DIAPH3: variants seen among roughly 807,000 people sequenced by gnomAD.
The protein encoded by DIAPH3 is protein diaphanous homolog 3.
Under a neutral mutation model 144.3 loss-of-function variants are expected in DIAPH3, and 117 were observed. The ratio of observed to expected loss-of-function variants is 0.81; its 90% CI spans 0.70 to 0.95. DIAPH3 has a LOEUF of 0.95. Among genes scored for constraint, DIAPH3 ranks in the 40% least tolerant of loss-of-function variants. The pLI is 0.00. For synonymous variants in DIAPH3, 519 were observed against 488.9 expected (o/e 1.06, Z -0.81); for missense variants, 1,421 against 1,412.7 (o/e 1.01, Z -0.09).
chr13:59,707,651 G>A (rs187813363), intron 27 of DIAPH3, among the ~76,000 whole-genome samples: 19 of 151,966 alleles, frequency 1.3e-4, no homozygotes, highest in Admixed American at 3.3e-4. Flanking sequence ...TGTACGATTC[G>A]AAAAAAGCTT....
intron 5 of DIAPH3, among the ~76,000 whole-genome samples, chr13:60,017,017 A>G (rs973983297): frequency 2.0e-5 from 3 of 152,236 alleles, no homozygotes; most frequent in African/African-American, 7.2e-5. Context: ...AAGGAAAGAA[A>G]AGATATATGT....
At chr13:60,031,732 CTTTTTTTTT>C (rs1165739891) in intron 5 of DIAPH3, among the ~76,000 whole-genome samples, 11 of 64,668 alleles carry the variant, frequency 1.7e-4, no homozygotes, top group Non-Finnish European at 2.1e-4. Flanking sequence ...GTCATTAAAT[CTTTTTTTTT>C]TTTTTTTTTT....
At position 59,666,825 on chromosome 13, in the gene DIAPH3, G is replaced by A; in HGVS notation, c.3341C>T (p.Thr1114Ile). The A allele has an allele frequency of 6.2e-7, 1 of 1,613,992 alleles. No homozygotes were observed. Among genetic ancestry groups the A allele is most frequent in the Non-Finnish European group, 8.5e-7 (1 of 1,179,986 alleles). ...ATTGTAGTGTGAACGTGACCCTTCT[G>A]TCAACTGCACTTTCTGATTTTCTAC... ...CNHENQKVQL[T>I]EGSRSHYNIN... The change falls in exon 28 of 28, where the codon ACA (threonine) becomes ATA (isoleucine). Residue 1114 changes from threonine (T) to isoleucine (I), a missense_variant. By Grantham distance (89) the Thr-to-Ile change is moderately conservative. Transcript: ENST00000400324.
intron 5 of DIAPH3, among the ~76,000 whole-genome samples, chr13:60,038,108 G>A (rs2055363479): frequency 6.6e-6 from 1 of 152,034 alleles, no homozygotes; most frequent in Admixed American, 6.5e-5. Context: ...GGTTACCACA[G>A]AATAGTAGGG....
chr13:59,774,648 C>A, intron 26 of DIAPH3, 80 bp downstream of exon 26: 1 of 1,396,544 alleles, frequency 7.2e-7, no homozygotes, highest in Non-Finnish European at 1.0e-6. Flanking sequence ...TGACACACAA[C>A]TTCAAAAGAA....
At chr13:60,109,632 A>G (rs2058513305) in intron 3 of DIAPH3, among the ~76,000 whole-genome samples, 5 of 152,182 alleles carry the variant, frequency 3.3e-5, no homozygotes, top group Admixed American at 3.3e-4. Flanking sequence ...ATTATCTGAA[A>G]CCAACAGGAA....
intron 17 of DIAPH3, among the ~76,000 whole-genome samples, chr13:59,928,680 G>T (rs1806419074): frequency 6.6e-6 from 1 of 152,144 alleles, no homozygotes; most frequent in Admixed American, 6.5e-5. Context: ...AGTGGCTTAG[G>T]CTGCAGTTGT....
At chr13:60,058,782 C>A (rs2056653346) in intron 4 of DIAPH3, among the ~76,000 whole-genome samples, 1 of 151,934 alleles carries the variant, frequency 6.6e-6, no homozygotes, top group African/African-American at 2.4e-5. Context: ...GGCCATGATT[C>A]TATGTAAGTA....
chr13:59,901,817 C>T (rs1455598291), intron 20 of DIAPH3, among the ~76,000 whole-genome samples: 11 of 152,156 alleles, frequency 7.2e-5, no homozygotes, highest in African/African-American at 2.4e-4. Context: ...GTCCCTGAAA[C>T]ATCCAAAGAC....
At chr13:60,017,783 C>T (rs955512853) in intron 5 of DIAPH3, among the ~76,000 whole-genome samples, 2 of 152,152 alleles carry the variant, frequency 1.3e-5, no homozygotes, top group Non-Finnish European at 2.9e-5. Context: ...AGGAAAGATA[C>T]TCTCTTGTAA....
chr13:60,162,440 A>G (rs1416866320), intron 1 of DIAPH3, among the ~76,000 whole-genome samples: 3 of 152,164 alleles, frequency 2.0e-5, no homozygotes. Context: ...TTTCATTGGG[A>G]AGTTAACTCT....
rs1008747862 is a variant in DIAPH3, at chr13:60,070,284, T to G, written c.495+23344A>C. On this transcript the variant is annotated intron_variant, in intron 4 of 27. Coordinates refer to ENST00000400324, the MANE Select transcript of DIAPH3 (RefSeq NM_001042517.2). ...TCTTGATTTGGCTTTTCTGTTGGAT[T>G]TTTTTTTTTTTTTTGCTCTTTTTTT... Among the ~76,000 whole-genome samples, 3 of 1,430 alleles carry G rather than the reference T, an allele frequency of 2.1e-3. No individual in the cohort carries two copies. In the South Asian group the frequency reaches 0.12, roughly 55 times the overall value. 0.9% of individuals were successfully genotyped at this position (1,430 alleles called of 152,430 possible).
Position 60,016,120 on chromosome 13 carries a change from C to T in DIAPH3, c.652G>A (p.Gly218Arg), listed in dbSNP as rs1224251694. 6.2e-7 allele frequency: 1 copy of T among 1,613,586 alleles called. No homozygotes were observed. The highest frequency in any genetic ancestry group is 1.3e-5 in the African/African-American group (1 of 74,874). Residue 218 changes from glycine (G) to arginine (R), a missense_variant, in exon 6 of 28, where the codon GGG becomes AGG. Transcript: ENST00000400324. ...AAAATGTCTAATAATAATCCAAGCC[C>T]TTCATGTCCAAAGCTTTCCACCCAA... is the stretch of plus-strand genomic sequence containing the variant. Reference protein sequence around the residue: ...VSWVESFGHEGLGLLLDILEK... With the variant: ...VSWVESFGHERLGLLLDILEK...
At chr13:59,732,985 G>A (rs1313359991) in intron 27 of DIAPH3, among the ~76,000 whole-genome samples, 1 of 152,054 alleles carries the variant, frequency 6.6e-6, no homozygotes, top group Non-Finnish European at 1.5e-5. Flanking sequence ...TCAATTTTTG[G>A]TAGAGGTGTG....
At chr13:60,029,696 G>A (rs2141090659) in intron 5 of DIAPH3, among the ~76,000 whole-genome samples, 1 of 152,264 alleles carries the variant, frequency 6.6e-6, no homozygotes, top group Middle Eastern at 3.4e-3. Context: ...GCAGAACTGT[G>A]GGTCAATTAA....
chr13:59,967,000 T>C (rs540783318), intron 17 of DIAPH3, among the ~76,000 whole-genome samples: 57 of 152,250 alleles, frequency 3.7e-4, no homozygotes, highest in African/African-American at 1.2e-3. Flanking sequence ...ATTTTCACCT[T>C]GGAGTGAACA....
At chr13:59,908,334 G>A (rs531355379) in intron 20 of DIAPH3, among the ~76,000 whole-genome samples, 2 of 117,884 alleles carry the variant, frequency 1.7e-5, no homozygotes, top group African/African-American at 6.5e-5. Context: ...TCGTGCCACT[G>A]TACTCCAGCC....
chr13:59,728,984 C>CTACT (rs1566231142), intron 27 of DIAPH3, among the ~76,000 whole-genome samples: 1 of 151,840 alleles, frequency 6.6e-6, no homozygotes, highest in Admixed American at 6.6e-5. Flanking sequence ...AGCCTCCTAG[C>CTACT]TACTGGGAGC....
intron 5 of DIAPH3, among the ~76,000 whole-genome samples, chr13:60,024,543 TATG>T (rs2054255345): frequency 6.6e-6 from 1 of 152,124 alleles, no homozygotes; most frequent in Non-Finnish European, 1.5e-5. Context: ...GTAACACTTT[TATG>T]ATGACTGCTT....
Sources: gnomAD v4.1 joint callset for allele counts (sites outside exome capture counted in the v4.1 genomes callset) on GRCh38, gnomAD v4.1.1 for gene constraint, MANE v1.5 for transcripts, NCBI Gene and HGNC (gene_info 2026-07-23, HGNC 2026-07-21) for gene names.